Variants in SORCS2 observed in about 807,000 individuals in gnomAD.
SORCS2 encodes VPS10 domain-containing receptor SorCS2.
A neutral mutation model predicts 141.6 loss-of-function variants in SORCS2; 100 were observed. The ratio of observed to expected loss-of-function variants is 0.71; its 90% CI spans 0.60 to 0.83. SORCS2 has a LOEUF of 0.83. Among genes scored for constraint, SORCS2 ranks in the 40% least tolerant of loss-of-function variants. The pLI is 0.00. For missense variants in SORCS2, 1,646 were observed against 1,560.2 expected (o/e 1.05, Z -0.93); for synonymous variants, 789 against 676.9 (o/e 1.17, Z -2.57).
chr4:7,373,236 TCAG>T (rs1371292248), intron 1 of SORCS2, among the ~76,000 whole-genome samples: 1 of 151,520 alleles, frequency 6.6e-6, no homozygotes, highest in African/African-American at 2.4e-5. Flanking sequence ...CACGTCCTCT[TCAG>T]CACTTTTTTC....
At chr4:7,415,896 A>T (rs1259237730) in intron 2 of SORCS2, among the ~76,000 whole-genome samples, 1 of 152,200 alleles carries the variant, frequency 6.6e-6, no homozygotes, top group Non-Finnish European at 1.5e-5. Context: ...GGCCCTGCAG[A>T]AGAGGGCAAT....
At chr4:7,709,382 C>A (rs1333437816) in intron 14 of SORCS2, among the ~76,000 whole-genome samples, 1 of 152,222 alleles carries the variant, frequency 6.6e-6, no homozygotes, top group Non-Finnish European at 1.5e-5. Flanking sequence ...CTTGGTTAGG[C>A]CCCAGAGATG....
chr4:7,428,025 C>G (rs13435236), intron 2 of SORCS2, among the ~76,000 whole-genome samples: 171 of 152,244 alleles, frequency 1.1e-3, no homozygotes, highest in African/African-American at 4.0e-3. Context: ...GTGGGCTCTT[C>G]TGGGGGCACC....
At chr4:7,418,703 C>CG (rs575592699) in intron 2 of SORCS2, among the ~76,000 whole-genome samples, 1 of 36,982 alleles carries the variant, frequency 2.7e-5, no homozygotes, top group Non-Finnish European at 5.9e-5. Flanking sequence ...TAACAAATGA[C>CG]CCCCCCCCCC....
intron 1 of SORCS2, among the ~76,000 whole-genome samples, chr4:7,341,884 C>T (rs991470554): frequency 1.3e-5 from 2 of 152,184 alleles, no homozygotes; most frequent in Non-Finnish European, 1.5e-5. Flanking sequence ...TGGCAGCCAC[C>T]AAGCTGCTTT....
chr4:7,241,296 T>G (rs76210067), intron 1 of SORCS2, among the ~76,000 whole-genome samples: 2,737 of 152,178 alleles, frequency 0.018, 85 homozygotes, highest in African/African-American at 0.062. Context: ...CACCCAGTGT[T>G]TTAAGGTCCC....
intron 1 of SORCS2, among the ~76,000 whole-genome samples, chr4:7,291,139 G>A (rs530773975): frequency 1.3e-5 from 2 of 152,118 alleles, no homozygotes; most frequent in Admixed American, 1.3e-4. Flanking sequence ...GGTGTCTAAG[G>A]CAGAGGCACC....
At chr4:7,598,119 CCA>C (rs1220995033) in intron 3 of SORCS2, among the ~76,000 whole-genome samples, 7 of 152,130 alleles carry the variant, frequency 4.6e-5, no homozygotes, top group African/African-American at 1.4e-4. Flanking sequence ...CAGGCGTAAG[CCA>C]CCCTGCCCGG....
intron 2 of SORCS2, among the ~76,000 whole-genome samples, chr4:7,487,543 C>T (rs1486664132): frequency 2.6e-5 from 4 of 152,214 alleles, no homozygotes; most frequent in Non-Finnish European, 4.4e-5. Flanking sequence ...AATTCTCTCT[C>T]CTTTGCCTGC....
At chr4:7,422,749 C>T (rs1417183328) in intron 2 of SORCS2, among the ~76,000 whole-genome samples, 2 of 152,198 alleles carry the variant, frequency 1.3e-5, no homozygotes, top group African/African-American at 4.8e-5. Context: ...CGCCTGGACG[C>T]CACAACCCAG....
At chr4:7,297,427 C>T (rs1312888480) in intron 1 of SORCS2, among the ~76,000 whole-genome samples, 1 of 152,016 alleles carries the variant, frequency 6.6e-6, no homozygotes, top group Non-Finnish European at 1.5e-5. Flanking sequence ...CCACCCCCAC[C>T]CCAGGGATCT....
At chr4:7,494,121 A>G (rs192938746) in intron 2 of SORCS2, among the ~76,000 whole-genome samples, 14 of 152,346 alleles carry the variant, frequency 9.2e-5, no homozygotes, top group South Asian at 2.1e-4. Context: ...GTGTATTTCT[A>G]TAGCTGAGAT....
intron 3 of SORCS2, among the ~76,000 whole-genome samples, chr4:7,612,991 C>T (rs2108812787): frequency 6.6e-6 from 1 of 150,512 alleles, no homozygotes; most frequent in Non-Finnish European, 1.5e-5. Context: ...CGGGCCAGTG[C>T]TCTCCCCAAC....
chr4:7,713,075 C>A (rs1168444903), intron 15 of SORCS2, among the ~76,000 whole-genome samples: 1 of 152,084 alleles, frequency 6.6e-6, no homozygotes, highest in African/African-American at 2.4e-5. Context: ...CTCAGCCACA[C>A]TCGGGGAGTG....
intron 3 of SORCS2, among the ~76,000 whole-genome samples, chr4:7,630,432 G>A (rs1207040496): frequency 6.6e-6 from 1 of 152,142 alleles, no homozygotes; most frequent in Non-Finnish European, 1.5e-5. Context: ...TGCCTCATTG[G>A]GAACCTCAGC....
At chr4:7,697,970 G>A (rs1311340159) in intron 12 of SORCS2, among the ~76,000 whole-genome samples, 3 of 152,198 alleles carry the variant, frequency 2.0e-5, no homozygotes, top group Admixed American at 6.5e-5. Context: ...TCGCAGACCA[G>A]AGGCAATGGT....
At chr4:7,528,394 G>A (rs1329190627) in intron 2 of SORCS2, among the ~76,000 whole-genome samples, 1 of 134,946 alleles carries the variant, frequency 7.4e-6, no homozygotes, top group African/African-American at 2.6e-5. Context: ...GGCACTGGCA[G>A]CTGCTACGTT....
chr4:7,495,405 C>A (rs1195164325), intron 2 of SORCS2, among the ~76,000 whole-genome samples: 3 of 152,204 alleles, frequency 2.0e-5, no homozygotes, highest in Admixed American at 2.0e-4. Flanking sequence ...TCTCTGCCTC[C>A]CCCACCAGCT....
intron 8 of SORCS2, among the ~76,000 whole-genome samples, chr4:7,670,126 G>A (rs1722712545): frequency 6.6e-6 from 1 of 152,196 alleles, no homozygotes; most frequent in Non-Finnish European, 1.5e-5. Flanking sequence ...GGCAAGCTGG[G>A]CTGCTGTCAC....
Sources: gnomAD v4.1 joint callset for allele counts (sites outside exome capture counted in the v4.1 genomes callset) on GRCh38, gnomAD v4.1.1 for gene constraint, MANE v1.5 for transcripts, NCBI Gene and HGNC (gene_info 2026-07-23, HGNC 2026-07-21) for gene names.